LYRM4: variants seen among roughly 807,000 people sequenced by gnomAD.
LYRM4 encodes the protein LYR motif-containing protein 4.
LYRM4 carries 9 observed loss-of-function variants against 11.7 expected under a neutral mutation model. The observed-to-expected ratio is 0.77, with a 90% CI of 0.46 to 1.34. LYRM4 has a LOEUF of 1.34. LYRM4 is among the 40% of genes most tolerant of loss of function. The pLI is 0.00. For synonymous variants in LYRM4, 42 were observed against 40.4 expected, an observed-to-expected ratio of 1.04 and a Z score of -0.15; for missense variants, 133 against 112.5, an observed-to-expected ratio of 1.18 and a Z score of -0.82.
At chr6:5,045,207 G>A in the LYRM4 span, among the ~76,000 whole-genome samples, 2 of 152,198 alleles carry the variant, frequency 1.3e-5, no homozygotes, top group Non-Finnish European at 2.9e-5. Context: ...ATAGGCAGAA[G>A]CAACCCAATG....
chr6:5,173,560 C>T (rs1423505988), intron 2 of LYRM4, among the ~76,000 whole-genome samples: 2 of 152,228 alleles, frequency 1.3e-5, no homozygotes, highest in Non-Finnish European at 2.9e-5. Flanking sequence ...CTTTTCTTTT[C>T]TATGAATGAT....
At chr6:5,245,340 TTACTCC>T (rs995472446) in intron 1 of LYRM4, among the ~76,000 whole-genome samples, 15 of 151,290 alleles carry the variant, frequency 9.9e-5, no homozygotes, top group African/African-American at 2.9e-4. Context: ...CCAAATCCCT[TTACTCC>T]TACTTGTTAA....
the LYRM4 span, chr6:5,086,060 C>T: frequency 1.4e-6 from 2 of 1,475,858 alleles, no homozygotes; most frequent in Non-Finnish European, 1.8e-6. Flanking sequence ...CCCCTTTCAG[C>T]GCCGCCTTCC....
the LYRM4 span, among the ~76,000 whole-genome samples, chr6:5,041,039 G>A: frequency 6.6e-6 from 1 of 152,132 alleles, no homozygotes; most frequent in Non-Finnish European, 1.5e-5. Context: ...GGTGGCCCGT[G>A]CCTGTAGTCC....
rs140855192 is a variant in LYRM4, at chr6:5,249,606, T to C, written c.86+11042A>G. Among the ~76,000 whole-genome samples, 811 of 152,316 alleles carry C rather than the reference T, an allele frequency of 5.3e-3. 9 individuals are homozygous for C. The highest frequency in any genetic ancestry group is 0.018 in the African/African-American group (730 of 41,562). ...CACACAGATGATTAAGATATCACAG[T>C]GATACATTATGTCATAACCTTGGCA... On this transcript the variant is annotated intron_variant, in intron 1 of 2. Coordinates refer to ENST00000330636, the MANE Select transcript of LYRM4 (RefSeq NM_020408.6).
At chr6:5,239,013 G>A (rs1763709226) in intron 1 of LYRM4, among the ~76,000 whole-genome samples, 2 of 152,216 alleles carry the variant, frequency 1.3e-5, no homozygotes, top group Non-Finnish European at 2.9e-5. Context: ...TGTTAAGCAA[G>A]CAGCAGAATC....
intron 2 of LYRM4, among the ~76,000 whole-genome samples, chr6:5,203,092 A>G (rs1761482258): frequency 1.3e-5 from 2 of 152,178 alleles, no homozygotes; most frequent in Non-Finnish European, 1.5e-5. Flanking sequence ...TCTGTCCTTC[A>G]TCTGTCATCA....
chr6:5,146,432 G>C (rs1757727018), intron 2 of LYRM4, among the ~76,000 whole-genome samples: 1 of 152,148 alleles, frequency 6.6e-6, no homozygotes, highest in South Asian at 2.1e-4. Flanking sequence ...AAGTTAGATA[G>C]TATTATACTT....
intron 2 of LYRM4, among the ~76,000 whole-genome samples, chr6:5,175,496 G>A (rs1759664966): frequency 6.6e-6 from 1 of 152,140 alleles, no homozygotes; most frequent in South Asian, 2.1e-4. Context: ...GAACTGGATT[G>A]AGGAAGGGAT....
chr6:5,215,428 T>C (rs1414354872), intron 2 of LYRM4, among the ~76,000 whole-genome samples: 1 of 152,228 alleles, frequency 6.6e-6, no homozygotes. Flanking sequence ...CTTTTCTGAG[T>C]ACCTTACTAT....
At chr6:5,221,555 C>T (rs984235798) in intron 1 of LYRM4, among the ~76,000 whole-genome samples, 4 of 152,026 alleles carry the variant, frequency 2.6e-5, no homozygotes, top group African/African-American at 7.2e-5. Flanking sequence ...TAGCTGGGTG[C>T]GGTGGCACAT....
At chr6:5,196,097 G>T (rs1218120353) in intron 2 of LYRM4, among the ~76,000 whole-genome samples, 6 of 152,148 alleles carry the variant, frequency 3.9e-5, no homozygotes, top group African/African-American at 7.2e-5. Context: ...AGGAAACTGG[G>T]ACAGAGAGTG....
intron 2 of LYRM4, among the ~76,000 whole-genome samples, chr6:5,111,858 G>A (rs1762896918): frequency 6.6e-6 from 1 of 152,234 alleles, no homozygotes; most frequent in East Asian, 1.9e-4. Context: ...CCTGTGGGAT[G>A]AGGTCTGGAA....
intron 2 of LYRM4, among the ~76,000 whole-genome samples, chr6:5,145,982 C>T (rs954195444): frequency 3.9e-5 from 6 of 152,320 alleles, no homozygotes; most frequent in East Asian, 3.9e-4. Context: ...TATGCCTCTA[C>T]GATCAACTCT....
chr6:5,069,505 G>A, the LYRM4 span, among the ~76,000 whole-genome samples: 3 of 143,472 alleles, frequency 2.1e-5, no homozygotes, highest in Non-Finnish European at 4.5e-5. Flanking sequence ...TTGTTTTTAC[G>A]AAGTCTTGCT....
At chr6:5,233,140 CG>C (rs1763338572) in intron 1 of LYRM4, among the ~76,000 whole-genome samples, 1 of 152,190 alleles carries the variant, frequency 6.6e-6, no homozygotes, top group African/African-American at 2.4e-5. Flanking sequence ...TCTCTGAAGA[CG>C]CCCTGCCTCC....
chr6:5,076,629 T>C, the LYRM4 span, among the ~76,000 whole-genome samples: 1 of 152,164 alleles, frequency 6.6e-6, no homozygotes, highest in Non-Finnish European at 1.5e-5. Context: ...GGGGTTGGGA[T>C]GGTATCACCA....
At chr6:5,085,530 A>G in the LYRM4 span, 3,156 of 1,539,262 alleles carry the variant, frequency 2.1e-3, 56 homozygotes, top group African/African-American at 0.038. Context: ...CGCCGGGACC[A>G]GCGCCCTTCC....
intron 1 of LYRM4, among the ~76,000 whole-genome samples, chr6:5,252,090 A>G (rs1251027907): frequency 1.3e-5 from 2 of 152,230 alleles, no homozygotes; most frequent in Non-Finnish European, 2.9e-5. Flanking sequence ...ACTTAGGTTG[A>G]TCAGGACTTA....
Sources: gnomAD v4.1 joint callset for allele counts (sites outside exome capture counted in the v4.1 genomes callset) on GRCh38, gnomAD v4.1.1 for gene constraint, MANE v1.5 for transcripts, NCBI Gene and HGNC (gene_info 2026-07-23, HGNC 2026-07-21) for gene names.